The following OPRM1 variants were observed in gnomAD, a reference collection of about 807,000 sequenced individuals.
OPRM1 encodes mu-type opioid receptor.
OPRM1 carries 27 observed loss-of-function variants against 31.8 expected under a neutral mutation model. The ratio of observed to expected loss-of-function variants is 0.85; its 90% CI spans 0.63 to 1.17. The LOEUF is 1.17. Ranked by LOEUF, OPRM1 falls within the 50% of genes most tolerant of loss-of-function variation. OPRM1 has a pLI of 0.00. For synonymous variants in OPRM1, 196 were observed against 189.9 expected (o/e 1.03, Z -0.26); for missense variants, 536 against 511.1 (o/e 1.05, Z -0.47).
At chr6:154,017,854 G>C (rs970125931) in intron 1 of OPRM1, among the ~76,000 whole-genome samples, 1 of 149,300 alleles carries the variant, frequency 6.7e-6, no homozygotes, top group Non-Finnish European at 1.5e-5. Context: ...GAAGTGATAT[G>C]TTACTATATA....
chr6:154,021,176 T>C (rs763848899), intron 1 of OPRM1, among the ~76,000 whole-genome samples: 1 of 152,202 alleles, frequency 6.6e-6, no homozygotes, highest in Non-Finnish European at 1.5e-5. Flanking sequence ...TCTTTTTGCG[T>C]GTGAACATCC....
chr6:154,231,419 G>A (rs1361430154), intron 3 of OPRM1, among the ~76,000 whole-genome samples: 2 of 152,186 alleles, frequency 1.3e-5, no homozygotes, highest in African/African-American at 4.8e-5. Flanking sequence ...CTATACCTTG[G>A]AGAATATGTG....
chr6:154,190,131 A>G (rs1801741829), intron 3 of OPRM1, among the ~76,000 whole-genome samples: 1 of 152,136 alleles, frequency 6.6e-6, no homozygotes, highest in Non-Finnish European at 1.5e-5. Context: ...CTGGTCCCAA[A>G]AACTCACAAA....
At chr6:154,026,602 A>G (rs939215974) in intron 1 of OPRM1, among the ~76,000 whole-genome samples, 2 of 152,080 alleles carry the variant, frequency 1.3e-5, no homozygotes, top group Non-Finnish European at 2.9e-5. Context: ...TGTTTGCTAG[A>G]TCCTGTAAGT....
intron 3 of OPRM1, among the ~76,000 whole-genome samples, chr6:154,150,393 A>G (rs533229779): frequency 1.3e-5 from 2 of 152,282 alleles, no homozygotes; most frequent in East Asian, 3.9e-4. Flanking sequence ...TTCTGCAGTT[A>G]TTTGATGTAT....
At chr6:154,246,861 G>T in exon 4 of OPRM1, 1 of 1,267,878 alleles carries the variant, frequency 7.9e-7, no homozygotes, top group Non-Finnish European at 1.0e-6. Flanking sequence ...ACTTTTAATT[G>T]TTAACCCCCC....
chr6:154,029,657 G>A (rs561927252), intron 1 of OPRM1, among the ~76,000 whole-genome samples: 1 of 152,320 alleles, frequency 6.6e-6, no homozygotes, highest in South Asian at 2.1e-4. Context: ...TGGTTTGGCT[G>A]TGTCCTGACC....
chr6:154,185,236 G>T (rs557731406), intron 3 of OPRM1, among the ~76,000 whole-genome samples: 1 of 152,326 alleles, frequency 6.6e-6, no homozygotes, highest in African/African-American at 2.4e-5. Flanking sequence ...CTGCCAAGGA[G>T]GAGGGTCTTC....
chr6:154,200,341 C>T (rs1276319867), intron 3 of OPRM1, among the ~76,000 whole-genome samples: 2 of 152,196 alleles, frequency 1.3e-5, no homozygotes, highest in Non-Finnish European at 2.9e-5. Flanking sequence ...TTTGGGAATG[C>T]TTCAGAATAC....
At chr6:154,238,036 A>C (rs926939658) in intron 3 of OPRM1, among the ~76,000 whole-genome samples, 1 of 152,222 alleles carries the variant, frequency 6.6e-6, no homozygotes, top group South Asian at 2.1e-4. Context: ...CAAATCAACT[A>C]TCATATATGC....
intron 3 of OPRM1, among the ~76,000 whole-genome samples, chr6:154,190,819 T>C (rs1182198627): frequency 6.6e-6 from 1 of 152,176 alleles, no homozygotes; most frequent in East Asian, 1.9e-4. Flanking sequence ...TGGAATATTA[T>C]TCAATGATTA....
At chr6:154,183,839 G>A (rs910362005) in intron 3 of OPRM1, among the ~76,000 whole-genome samples, 6 of 152,034 alleles carry the variant, frequency 3.9e-5, no homozygotes, top group East Asian at 1.9e-4. Context: ...ACAGTGAACC[G>A]AGGTCATGCC....
chr6:154,215,631 T>A (rs1420683705), intron 3 of OPRM1, among the ~76,000 whole-genome samples: 2 of 151,716 alleles, frequency 1.3e-5, no homozygotes, highest in Non-Finnish European at 2.9e-5. Context: ...AAATAAAATT[T>A]AAAAAAATAA....
intron 1 of OPRM1, among the ~76,000 whole-genome samples, chr6:154,024,068 T>C (rs1562374077): frequency 1.3e-5 from 2 of 152,100 alleles, no homozygotes; most frequent in Non-Finnish European, 2.9e-5. Flanking sequence ...ATGAGTTTGA[T>C]AGTATTCCCT....
chr6:154,195,591 T>C (rs939370534), intron 3 of OPRM1, among the ~76,000 whole-genome samples: 2 of 152,122 alleles, frequency 1.3e-5, no homozygotes, highest in African/African-American at 4.8e-5. Flanking sequence ...CACGCCTCCC[T>C]TCTCCATGTA....
chr6:154,056,523 TGTCA>T (rs1783335055), intron 1 of OPRM1, among the ~76,000 whole-genome samples: 2 of 151,852 alleles, frequency 1.3e-5, no homozygotes, highest in Admixed American at 1.3e-4. Context: ...ATGCGATGTC[TGTCA>T]ACTTCCTAAC....
rs1400237327 is a variant in OPRM1, at chr6:154,089,906, C to T, written c.371C>T (p.Pro124Leu). 7 of 1,613,954 alleles carry T rather than the reference C, an allele frequency of 4.3e-6. No individual in the cohort carries two copies. Among genetic ancestry groups the T allele is most frequent in the African/African-American group, 1.3e-5 (1 of 74,892 alleles). Reference protein sequence around the residue: ...LADALATSTLPFQSVNYLMGT... With the variant: ...LADALATSTLLFQSVNYLMGT... ...GATGCCTTAGCCACCAGTACCCTGC[C>T]CTTCCAGAGTGTGAATTACCTAATG... Residue 124 changes from proline (P) to leucine (L), a missense_variant, in exon 2 of 4, where the codon CCC becomes CTC. Coordinates refer to ENST00000330432, the MANE Select transcript of OPRM1 (RefSeq NM_000914.5).
intron 3 of OPRM1, chr6:154,160,070 G>T (rs1311440545): frequency 1.3e-6 from 2 of 1,533,872 alleles, no homozygotes; most frequent in Non-Finnish European, 1.8e-6. Flanking sequence ...GGGGAAGGGG[G>T]TATGTTGAGA....
intron 1 of OPRM1, among the ~76,000 whole-genome samples, chr6:154,061,896 C>T (rs1255578085): frequency 6.6e-6 from 1 of 151,324 alleles, no homozygotes; most frequent in Non-Finnish European, 1.5e-5. Flanking sequence ...TTATGGCGAA[C>T]AAAAGTAATT....
Sources: allele counts gnomAD v4.1 joint callset (sites outside exome capture counted in the v4.1 genomes callset), GRCh38; gene constraint gnomAD v4.1.1; transcripts MANE v1.5; gene names NCBI Gene and HGNC (gene_info 2026-07-23, HGNC 2026-07-21).